GPC6: variants seen among roughly 807,000 people sequenced by gnomAD.
GPC6 encodes glypican 6, also known as glypican-6.
A neutral mutation model predicts 55.2 loss-of-function variants in GPC6; 14 were observed. The ratio of observed to expected loss-of-function variants is 0.25; its 90% CI spans 0.17 to 0.40. The LOEUF (loss-of-function observed/expected upper bound fraction) is 0.40, where lower values mean the gene tolerates loss of function less well. GPC6 is among the 10% of genes least tolerant of loss of function. The pLI is 1.00. For missense variants in GPC6, 641 were observed against 708.5 expected (o/e 0.90, Z 1.08); for synonymous variants, 278 against 259.6 (o/e 1.07, Z -0.68).
intron 1 of GPC6, among the ~76,000 whole-genome samples, chr13:93,336,357 A>G (rs1314415082): frequency 6.6e-6 from 1 of 152,214 alleles, no homozygotes; most frequent in Non-Finnish European, 1.5e-5. Context: ...CCCCTTATAT[A>G]ATAATATTCC....
At chr13:94,272,250 T>C (rs931838662) in intron 4 of GPC6, among the ~76,000 whole-genome samples, 13 of 152,130 alleles carry the variant, frequency 8.5e-5, no homozygotes, top group African/African-American at 2.6e-4. Flanking sequence ...GAGAGGTTTG[T>C]GATTCATTCC....
chr13:93,766,647 G>T (rs1040159831), intron 2 of GPC6, among the ~76,000 whole-genome samples: 1 of 151,932 alleles, frequency 6.6e-6, no homozygotes, highest in Non-Finnish European at 1.5e-5. Flanking sequence ...AGGAAAGGAA[G>T]AATGATACAA....
chr13:93,448,694 C>A (rs1432973884), intron 1 of GPC6, among the ~76,000 whole-genome samples: 2 of 152,126 alleles, frequency 1.3e-5, no homozygotes, highest in African/African-American at 4.8e-5. Flanking sequence ...TGATTTTATT[C>A]TGTTTTCCAT....
intron 3 of GPC6, among the ~76,000 whole-genome samples, chr13:94,025,166 A>C (rs1249524087): frequency 6.6e-6 from 1 of 152,206 alleles, no homozygotes; most frequent in African/African-American, 2.4e-5. Context: ...ACCAAAACCC[A>C]ACAGATTCAA....
chr13:94,151,663 G>A (rs1485393017), intron 4 of GPC6, among the ~76,000 whole-genome samples: 1 of 152,098 alleles, frequency 6.6e-6, no homozygotes, highest in Non-Finnish European at 1.5e-5. Context: ...TGTGATGGCA[G>A]AGAGATGTCT....
intron 2 of GPC6, among the ~76,000 whole-genome samples, chr13:93,775,305 C>T (rs568542895): frequency 5.6e-4 from 85 of 152,114 alleles, no homozygotes; most frequent in Non-Finnish European, 1.1e-3. Context: ...TCCTGGCATT[C>T]TCATTCATTT....
chr13:93,471,220 A>G (rs552711371), intron 1 of GPC6, among the ~76,000 whole-genome samples: 4 of 151,836 alleles, frequency 2.6e-5, no homozygotes, highest in Non-Finnish European at 5.9e-5. Flanking sequence ...TTCTTTTCTT[A>G]TATAAGCATT....
At position 93,320,944 on chromosome 13, in the gene GPC6, G is replaced by C. The variant is rs539599763; in HGVS notation, c.160+93328G>C. Among the ~76,000 whole-genome samples, 28 of 129,256 alleles carry C rather than the reference G, an allele frequency of 2.2e-4. No individual in the cohort carries two copies. The South Asian group carries it at 6.9e-3, about 32-fold the overall frequency. The allele number at this position is 129,256 out of a possible 152,430, so 84.8% of individuals were successfully genotyped here. ...CAATAGCGGTTTTTTAAATTGCAAT[G>C]GTTTTTGTTTTTTCTCTAATCAGCA... On this transcript the variant is annotated intron_variant, in intron 1 of 8. Transcript: ENST00000377047.
At chr13:93,763,641 C>T (rs1885021640) in intron 2 of GPC6, among the ~76,000 whole-genome samples, 1 of 152,172 alleles carries the variant, frequency 6.6e-6, no homozygotes, top group African/African-American at 2.4e-5. Context: ...CATGATTTAT[C>T]ATAGGATATT....
At chr13:94,034,200 A>AAG (rs1555289064) in intron 4 of GPC6, among the ~76,000 whole-genome samples, 6 of 72,730 alleles carry the variant, frequency 8.2e-5, no homozygotes, top group African/African-American at 2.0e-4. Flanking sequence ...AAAGAAAGAA[A>AAG]GAAGGAAGGA....
At chr13:94,270,005 A>G (rs1185239516) in intron 4 of GPC6, among the ~76,000 whole-genome samples, 1 of 152,162 alleles carries the variant, frequency 6.6e-6, no homozygotes, top group East Asian at 1.9e-4. Context: ...GGGGGAAACA[A>G]ATGATCTGTT....
chr13:93,408,972 A>G (rs1032680079), intron 1 of GPC6, among the ~76,000 whole-genome samples: 3 of 152,180 alleles, frequency 2.0e-5, no homozygotes, highest in African/African-American at 7.2e-5. Context: ...AGTTTTACTT[A>G]TACTTCAATC....
At chr13:93,812,147 G>GT (rs1357131646) in intron 2 of GPC6, among the ~76,000 whole-genome samples, 3 of 141,516 alleles carry the variant, frequency 2.1e-5, no homozygotes, top group African/African-American at 7.5e-5. Context: ...GGCGGTGGGG[G>GT]GGGGGGCGGG....
chr13:93,302,978 A>AG (rs1373561638), intron 1 of GPC6, among the ~76,000 whole-genome samples: 1 of 152,196 alleles, frequency 6.6e-6, no homozygotes, highest in Non-Finnish European at 1.5e-5. Flanking sequence ...TAAAAGAAAA[A>AG]CAGAACATAA....
At chr13:93,614,611 C>A (rs930863012) in intron 2 of GPC6, among the ~76,000 whole-genome samples, 1 of 152,052 alleles carries the variant, frequency 6.6e-6, no homozygotes, top group African/African-American at 2.4e-5. Flanking sequence ...TAGCTATAGC[C>A]AAAGTCCCCA....
chr13:93,340,691 GA>G (rs1232011996), intron 1 of GPC6, among the ~76,000 whole-genome samples: 1 of 152,132 alleles, frequency 6.6e-6, no homozygotes, highest in Admixed American at 6.5e-5. Flanking sequence ...ATGGCAGCTG[GA>G]GTTTGGGGAT....
chr13:93,784,337 A>G (rs374230195), intron 2 of GPC6, among the ~76,000 whole-genome samples: 1 of 152,192 alleles, frequency 6.6e-6, no homozygotes, highest in African/African-American at 2.4e-5. Flanking sequence ...CAACCTGCAC[A>G]GATTTACTGG....
intron 1 of GPC6, among the ~76,000 whole-genome samples, chr13:93,243,903 T>C (rs1876518590): frequency 6.6e-6 from 1 of 151,964 alleles, no homozygotes; most frequent in African/African-American, 2.4e-5. Context: ...GGCCATGGGA[T>C]GCTTGGCCTG....
intron 4 of GPC6, among the ~76,000 whole-genome samples, chr13:94,061,769 C>G (rs1052860331): frequency 6.6e-6 from 1 of 151,244 alleles, no homozygotes; most frequent in African/African-American, 2.4e-5. Flanking sequence ...TGTATGACAT[C>G]CATCGGGGAG....
Sources: gnomAD v4.1 joint callset for allele counts (sites outside exome capture counted in the v4.1 genomes callset) on GRCh38, gnomAD v4.1.1 for gene constraint, MANE v1.5 for transcripts, NCBI Gene and HGNC (gene_info 2026-07-23, HGNC 2026-07-21) for gene names.